Variants in PUDP observed in about 807,000 individuals in gnomAD.
PUDP encodes pseudouridine 5'-phosphatase, also known as pseudouridine-5'-phosphatase.
PUDP carries 8 observed loss-of-function variants against 9.4 expected under a neutral mutation model. That is an observed-to-expected ratio of 0.85 (90% CI 0.50 to 1.53). The LOEUF is 1.53. Among genes scored for constraint, PUDP ranks in the 40% most tolerant of loss-of-function variants. The pLI, the probability that PUDP is intolerant of heterozygous loss-of-function variation, is 0.00. For synonymous variants in PUDP, 99 were observed against 80.7 expected (o/e 1.23, Z -1.22); for missense variants, 188 against 189.7 (o/e 0.99, Z 0.05).
chrX:7,144,313 T>A (rs1219047628), intron 1 of PUDP, among the ~76,000 whole-genome samples: 1 of 112,531 alleles, frequency 8.9e-6, no homozygotes, highest in East Asian at 2.8e-4. Flanking sequence ...TAGATTCTTC[T>A]GACAATCCAC....
At chrX:6,995,759 G>T (rs1485356218) in intron 1 of PUDP, among the ~76,000 whole-genome samples, 1 of 107,669 alleles carries the variant, frequency 9.3e-6, no homozygotes, top group Non-Finnish European at 1.9e-5. Context: ...AATATGAAAG[G>T]CATCAAAAGG....
chrX:6,816,816 A>G (rs973065280), intron 3 of PUDP, among the ~76,000 whole-genome samples: 4 of 95,557 alleles, frequency 4.2e-5, no homozygotes, highest in Non-Finnish European at 8.1e-5. Context: ...ATATATACAC[A>G]TACAGTATAT....
chrX:6,941,719 CA>C (rs1162126768), intron 3 of PUDP, among the ~76,000 whole-genome samples: 1 of 110,805 alleles, frequency 9.0e-6, no homozygotes, highest in Non-Finnish European at 1.9e-5. Context: ...GCATAAATAA[CA>C]AAGTAAAAAT....
At chrX:6,891,481 C>T (rs1602661555) in intron 3 of PUDP, among the ~76,000 whole-genome samples, 1 of 112,094 alleles carries the variant, frequency 8.9e-6, no homozygotes, top group East Asian at 2.8e-4. Flanking sequence ...TCCTCCCTTC[C>T]TGGAACCTAT....
chrX:7,045,252 C>A (rs2146832847), downstream of PUDP, among the ~76,000 whole-genome samples: 1 of 112,757 alleles, frequency 8.9e-6, no homozygotes, highest in South Asian at 3.6e-4. Context: ...CTGTGGCCTC[C>A]CCAGCCACAC....
At chrX:7,135,907 T>C (rs1932730814) in intron 1 of PUDP, among the ~76,000 whole-genome samples, 1 of 111,227 alleles carries the variant, frequency 9.0e-6, no homozygotes, top group African/African-American at 3.3e-5. Flanking sequence ...TACACAGCCA[T>C]AATACCACTG....
At chrX:7,105,880 T>C in intron 1 of PUDP, 42 bp from the exon 2 acceptor site, 1 of 935,162 alleles carries the variant, frequency 1.1e-6, no homozygotes, top group Admixed American at 2.8e-5. Context: ...GCATACTGTA[T>C]GAACAGTAAG....
chrX:6,753,366 C>T (rs902132730), intron 3 of PUDP, among the ~76,000 whole-genome samples: 1 of 112,386 alleles, frequency 8.9e-6, no homozygotes, highest in Non-Finnish European at 1.9e-5. Flanking sequence ...TTTATCCAGT[C>T]GTTGAGTGAT....
chrX:7,030,215 G>A (rs887302249), intron 1 of PUDP, among the ~76,000 whole-genome samples: 16 of 110,690 alleles, frequency 1.4e-4, no homozygotes, highest in Non-Finnish European at 2.6e-4. Flanking sequence ...GATTCATGGC[G>A]GCCAACACAA....
At chrX:7,129,444 A>T (rs1415189165) in intron 1 of PUDP, among the ~76,000 whole-genome samples, 1 of 111,970 alleles carries the variant, frequency 8.9e-6, no homozygotes, top group African/African-American at 3.3e-5. Context: ...TTGAGACTCC[A>T]GCAGTCAACA....
At chrX:6,997,757 G>A (rs944000341) in intron 1 of PUDP, among the ~76,000 whole-genome samples, 3 of 111,557 alleles carry the variant, frequency 2.7e-5, no homozygotes, top group African/African-American at 6.5e-5. Flanking sequence ...GAGAGAGGAC[G>A]CTGAGTTTGG....
At chrX:6,715,238 T>A (rs1169031413) in intron 1 of PUDP, among the ~76,000 whole-genome samples, 1 of 111,216 alleles carries the variant, frequency 9.0e-6, no homozygotes, top group Admixed American at 9.7e-5. Context: ...TCCATCCCAA[T>A]AAATATTTGT....
intron 3 of PUDP, among the ~76,000 whole-genome samples, chrX:6,815,795 T>C (rs947193492): frequency 1.4e-4 from 15 of 109,992 alleles, no homozygotes; most frequent in African/African-American, 5.0e-4. Context: ...AAACCTCAAA[T>C]CATTGAAATA....
chrX:6,853,994 C>T (rs1033114195), intron 3 of PUDP, among the ~76,000 whole-genome samples: 3 of 111,040 alleles, frequency 2.7e-5, no homozygotes, highest in African/African-American at 9.8e-5. Context: ...GAATTCCTGG[C>T]CTCAAGTGAT....
intron 3 of PUDP, among the ~76,000 whole-genome samples, chrX:6,949,028 T>C: frequency 8.9e-6 from 1 of 112,331 alleles, no homozygotes; most frequent in African/African-American, 3.2e-5. Context: ...AAGTCAGAGA[T>C]GGTGACACAT....
In PUDP at chrX:7,076,555, A is replaced by G. The variant is rs753077041; in HGVS notation, c.510+665T>C. Among the ~76,000 whole-genome samples, 3 of 111,733 alleles carry G rather than the reference A, an allele frequency of 2.7e-5. No individual in the cohort carries two copies. In the South Asian group the frequency reaches 1.1e-3, roughly 43 times the overall value. ...AGCCACCACAAGCGGTCGGCTCTCTAAACGCTCTGCCCAGGTCACCTGAGG... is the reference window on the plus strand; with the variant it reads ...AGCCACCACAAGCGGTCGGCTCTCTGAACGCTCTGCCCAGGTCACCTGAGG... On this transcript the variant is annotated intron_variant, in intron 3 of 3. Transcript: ENST00000381077.
intron 3 of PUDP, among the ~76,000 whole-genome samples, chrX:6,975,859 C>A (rs916013702): frequency 4.5e-5 from 5 of 112,295 alleles, no homozygotes; most frequent in African/African-American, 9.7e-5. Flanking sequence ...CATATATAGG[C>A]CCCTGACTTG....
downstream of PUDP, among the ~76,000 whole-genome samples, chrX:7,044,679 C>G (rs1166785732): frequency 2.7e-5 from 3 of 112,220 alleles, no homozygotes; most frequent in Admixed American, 2.8e-4. Flanking sequence ...AGCAAAAGCC[C>G]AGGGGCGCAT....
At chrX:6,823,331 T>C (rs1441646858) in intron 3 of PUDP, among the ~76,000 whole-genome samples, 1 of 112,235 alleles carries the variant, frequency 8.9e-6, no homozygotes, top group Non-Finnish European at 1.9e-5. Flanking sequence ...GGGGGGATAT[T>C]TGCATCTACA....
Sources: gnomAD v4.1 joint callset for allele counts (sites outside exome capture counted in the v4.1 genomes callset) on GRCh38, gnomAD v4.1.1 for gene constraint, MANE v1.5 for transcripts, NCBI Gene and HGNC (gene_info 2026-07-23, HGNC 2026-07-21) for gene names.